The following RNLS variants were observed in gnomAD, a reference collection of about 807,000 sequenced individuals.
The protein encoded by RNLS is renalase, FAD dependent amine oxidase, also known as renalase.
In RNLS, 39 loss-of-function variants were observed where a neutral mutation model predicts 39.8. The ratio of observed to expected loss-of-function variants is 0.98; its 90% CI spans 0.76 to 1.28. RNLS has a LOEUF of 1.28. Ranked by LOEUF, RNLS falls within the 50% of genes most tolerant of loss-of-function variation. The pLI is 0.00. For synonymous variants in RNLS, 147 were observed against 150.7 expected (o/e 0.98, Z 0.18); for missense variants, 410 against 413.3 (o/e 0.99, Z 0.07).
chr10:88,363,005 G>A (rs1849759678), intron 4 of RNLS, among the ~76,000 whole-genome samples: 1 of 152,132 alleles, frequency 6.6e-6, no homozygotes, highest in Admixed American at 6.6e-5. Context: ...TTCTAGTCTG[G>A]TATCCCAGTC....
At chr10:88,523,514 G>C (rs534624113) in intron 4 of RNLS, among the ~76,000 whole-genome samples, 2 of 152,236 alleles carry the variant, frequency 1.3e-5, no homozygotes, top group African/African-American at 4.8e-5. Flanking sequence ...TTAGGAGCAA[G>C]GGATCGCTTT....
chr10:88,225,678 C>T, the RNLS span, among the ~76,000 whole-genome samples: 10 of 151,990 alleles, frequency 6.6e-5, no homozygotes, highest in Admixed American at 1.3e-4. Flanking sequence ...CAAACAACTG[C>T]ACTCCAGCCT....
the RNLS span, among the ~76,000 whole-genome samples, chr10:88,227,259 G>GTTAC: frequency 3.9e-5 from 6 of 152,196 alleles, no homozygotes; most frequent in African/African-American, 1.4e-4. Context: ...AATGGCTTAG[G>GTTAC]GGTAAAGGAG....
At chr10:88,196,427 C>A in the RNLS span, among the ~76,000 whole-genome samples, 2 of 152,136 alleles carry the variant, frequency 1.3e-5, no homozygotes, top group African/African-American at 4.8e-5. Flanking sequence ...AATTATTGAC[C>A]TCATGCTTCA....
intron 3 of RNLS, among the ~76,000 whole-genome samples, chr10:88,574,294 G>T (rs900152855): frequency 6.6e-6 from 1 of 152,116 alleles, no homozygotes; most frequent in Non-Finnish European, 1.5e-5. Flanking sequence ...AAATGAAGAT[G>T]GAATGAGGGA....
At chr10:88,544,323 G>A (rs138126105) in intron 4 of RNLS, among the ~76,000 whole-genome samples, 1 of 152,260 alleles carries the variant, frequency 6.6e-6, no homozygotes, top group African/African-American at 2.4e-5. Context: ...CATCTGCATA[G>A]TTTTTCCCTA....
At chr10:88,370,260 CATT>C (rs1301568046) in intron 4 of RNLS, among the ~76,000 whole-genome samples, 1 of 152,054 alleles carries the variant, frequency 6.6e-6, no homozygotes, top group Non-Finnish European at 1.5e-5. Context: ...TTTCTCTTCA[CATT>C]ATACTGACTT....
chr10:88,485,642 CA>C (rs11366047), intron 4 of RNLS, among the ~76,000 whole-genome samples: 72,559 of 104,836 alleles, frequency 0.69, 21,782 homozygotes, highest in East Asian at 0.82. Flanking sequence ...AATGAAAAAC[CA>C]AAAAAAAAAA....
chr10:88,277,657 A>C (rs983260871), intron 6 of RNLS, among the ~76,000 whole-genome samples: 2 of 152,170 alleles, frequency 1.3e-5, no homozygotes, highest in Non-Finnish European at 2.9e-5. Flanking sequence ...GTTTTCTAGG[A>C]GTATAATCAT....
chr10:88,171,573 T>G, the RNLS span, among the ~76,000 whole-genome samples: 1 of 152,250 alleles, frequency 6.6e-6, no homozygotes, highest in Non-Finnish European at 1.5e-5. Flanking sequence ...AAATTTTTAG[T>G]TGACACATAA....
chr10:88,281,873 T>C (rs1843021638), downstream of RNLS, among the ~76,000 whole-genome samples: 2 of 151,550 alleles, frequency 1.3e-5, no homozygotes, highest in South Asian at 2.1e-4. Flanking sequence ...GAATTAGGCA[T>C]AGGAGAAGAG....
intron 6 of RNLS, among the ~76,000 whole-genome samples, chr10:88,311,372 A>G (rs1180989605): frequency 1.3e-5 from 2 of 152,230 alleles, no homozygotes; most frequent in Non-Finnish European, 2.9e-5. Context: ...ACCTTAATTC[A>G]ATGCATAACA....
chr10:88,216,437 G>T, the RNLS span, among the ~76,000 whole-genome samples: 1 of 152,060 alleles, frequency 6.6e-6, no homozygotes, highest in Non-Finnish European at 1.5e-5. Flanking sequence ...ACTCTAGAAG[G>T]TGCTCCTTTT....
the RNLS span, among the ~76,000 whole-genome samples, chr10:88,244,753 G>C: frequency 6.6e-6 from 1 of 150,512 alleles, no homozygotes; most frequent in South Asian, 2.1e-4. Context: ...GGCCACTTTT[G>C]GGGTTTTGGC....
the RNLS span, among the ~76,000 whole-genome samples, chr10:88,198,312 G>A: frequency 3.3e-5 from 5 of 152,290 alleles, no homozygotes; most frequent in South Asian, 1.0e-3. Context: ...GCAAGCATGT[G>A]GCCTGTGAGC....
intron 4 of RNLS, among the ~76,000 whole-genome samples, chr10:88,444,195 A>G (rs1841903773): frequency 6.6e-6 from 1 of 152,214 alleles, no homozygotes; most frequent in East Asian, 1.9e-4. Context: ...TCTGCTGCTG[A>G]TACCTAGGCA....
the RNLS span, among the ~76,000 whole-genome samples, chr10:88,178,744 G>T: frequency 6.6e-6 from 1 of 152,176 alleles, no homozygotes; most frequent in Admixed American, 6.5e-5. Flanking sequence ...CTTCTAGTCA[G>T]CCATCTTGAT....
At chr10:88,454,396 C>T (rs1047312759) in intron 4 of RNLS, among the ~76,000 whole-genome samples, 2 of 152,160 alleles carry the variant, frequency 1.3e-5, no homozygotes, top group Non-Finnish European at 2.9e-5. Context: ...GTATCCATGT[C>T]TGGAGAAGTC....
chr10:88,502,326 G>A (rs554379646), intron 4 of RNLS, among the ~76,000 whole-genome samples: 1 of 150,508 alleles, frequency 6.6e-6, no homozygotes, highest in Non-Finnish European at 1.5e-5. Flanking sequence ...CTCCTGGGAG[G>A]TGGGCGGGGG....
Sources: allele counts gnomAD v4.1 joint callset (sites outside exome capture counted in the v4.1 genomes callset), GRCh38; gene constraint gnomAD v4.1.1; transcripts MANE v1.5; gene names NCBI Gene and HGNC (gene_info 2026-07-23, HGNC 2026-07-21).